CACNA1E: variants seen among roughly 807,000 people sequenced by gnomAD.
The protein encoded by CACNA1E is voltage-dependent R-type calcium channel subunit alpha-1E.
A neutral mutation model predicts 259.2 loss-of-function variants in CACNA1E; 40 were observed. The ratio of observed to expected loss-of-function variants is 0.15; its 90% confidence interval spans 0.12 to 0.20. The LOEUF (loss-of-function observed/expected upper bound fraction) is 0.20. CACNA1E is among the 10% of genes least tolerant of loss of function. CACNA1E has a pLI of 1.00. For synonymous variants in CACNA1E, 1,104 were observed against 1,138.5 expected (o/e 0.97, Z 0.61); for missense variants, 1,874 against 3,040.1 (o/e 0.62, Z 9.02).
In CACNA1E at chr1:181,750,470, C is replaced by T. The variant is rs1002417729; in HGVS notation, c.3720-6C>T. The T allele has an allele frequency of 6.2e-7, 1 of 1,613,110 alleles. No individual in the cohort carries two copies. Among genetic ancestry groups the T allele is most frequent in the Non-Finnish European group, 8.5e-7 (1 of 1,179,368 alleles). ...TTCTACTGCTCTCTGATTGGATCCT[C>T]CATAGGAACGCTTTGGGGTAAATAT... On this transcript the variant is annotated splice_region_variant and splice_polypyrimidine_tract_variant and intron_variant, in intron 25 of 47. Coordinates refer to ENST00000367573, the MANE Select transcript of CACNA1E (RefSeq NM_001205293.3).
chr1:181,437,177 C>A (rs1382100719), intron 2 of CACNA1E, among the ~76,000 whole-genome samples: 3 of 152,190 alleles, frequency 2.0e-5, no homozygotes, highest in Non-Finnish European at 4.4e-5. Context: ...CCTCTTATTG[C>A]CACAGACTTC....
At chr1:181,598,263 T>C (rs1364348090) in intron 6 of CACNA1E, among the ~76,000 whole-genome samples, 1 of 152,236 alleles carries the variant, frequency 6.6e-6, no homozygotes. Context: ...CTTTTGCTCC[T>C]GCCCTCAGGG....
At chr1:181,503,229 G>T (rs1347105724) in intron 1 of CACNA1E, among the ~76,000 whole-genome samples, 1 of 152,232 alleles carries the variant, frequency 6.6e-6, no homozygotes, top group East Asian at 1.9e-4. Flanking sequence ...ATCTTTCTCA[G>T]TCGGCTCAGA....
chr1:181,571,034 T>A (rs1650358022), intron 3 of CACNA1E, among the ~76,000 whole-genome samples: 5 of 152,250 alleles, frequency 3.3e-5, no homozygotes, highest in Admixed American at 2.6e-4. Flanking sequence ...GTCTGCAGTT[T>A]AAGACAGTTG....
intron 3 of CACNA1E, among the ~76,000 whole-genome samples, chr1:181,548,532 TTGTA>T (rs1647778863): frequency 6.6e-6 from 1 of 152,216 alleles, no homozygotes; most frequent in African/African-American, 2.4e-5. Flanking sequence ...AAGTCTTTCT[TTGTA>T]TGGCCCGTAG....
At chr1:181,775,611 T>C (rs1014677266) in intron 37 of CACNA1E, among the ~76,000 whole-genome samples, 1 of 152,246 alleles carries the variant, frequency 6.6e-6, no homozygotes, top group South Asian at 2.1e-4. Flanking sequence ...GTTTACCACC[T>C]GTTTTTGTAT....
chr1:181,739,891 T>C (rs1656401340), intron 25 of CACNA1E, among the ~76,000 whole-genome samples: 3 of 152,148 alleles, frequency 2.0e-5, no homozygotes. Flanking sequence ...GGGATTTTTT[T>C]CCCCCCTGCA....
intron 6 of CACNA1E, among the ~76,000 whole-genome samples, chr1:181,632,165 AC>A (rs2101949087): frequency 7.4e-6 from 1 of 135,394 alleles, no homozygotes; most frequent in South Asian, 2.6e-4. Flanking sequence ...ACTTCTCTTC[AC>A]CCTGTAGTCT....
At chr1:181,344,059 CAG>C (rs1652399578) in intron 1 of CACNA1E, among the ~76,000 whole-genome samples, 1 of 152,208 alleles carries the variant, frequency 6.6e-6, no homozygotes, top group South Asian at 2.1e-4. Flanking sequence ...GCCCCACAAA[CAG>C]AGTCAGGTAC....
At chr1:181,576,265 T>C (rs904570166) in intron 3 of CACNA1E, among the ~76,000 whole-genome samples, 1 of 152,246 alleles carries the variant, frequency 6.6e-6, no homozygotes. Flanking sequence ...GTTGTTTAAA[T>C]AACCTTTACC....
intron 2 of CACNA1E, among the ~76,000 whole-genome samples, chr1:181,417,760 C>T (rs1037693324): frequency 2.0e-5 from 3 of 152,182 alleles, no homozygotes; most frequent in Non-Finnish European, 2.9e-5. Context: ...CTCATGACTA[C>T]AATTGCCTTC....
chr1:181,558,024 G>T (rs911740633), intron 3 of CACNA1E, among the ~76,000 whole-genome samples: 3 of 152,214 alleles, frequency 2.0e-5, no homozygotes, highest in Non-Finnish European at 4.4e-5. Context: ...AATAACTAGG[G>T]TTTAATCTAA....
At position 181,797,182 on chromosome 1, in the gene CACNA1E, C is replaced by T. The variant is rs182456794; in HGVS notation, c.6399+324C>T. Among the ~76,000 whole-genome samples, 327 of 152,280 alleles carry T rather than the reference C, an allele frequency of 2.1e-3. 1 individual carries two copies. Among genetic ancestry groups the T allele is most frequent in the Non-Finnish European group, 3.5e-3 (241 of 68,034 alleles). ...GGATGGTCCTTTAGCCAGAAAGTTT[C>T]CTTTGGCCATCTTGTGATCCTCAGT... On this transcript the variant is annotated intron_variant, in intron 47 of 47. Coordinates refer to ENST00000367573, the MANE Select transcript of CACNA1E (RefSeq NM_001205293.3).
At chr1:181,554,122 C>T (rs1648476246) in intron 3 of CACNA1E, among the ~76,000 whole-genome samples, 1 of 152,064 alleles carries the variant, frequency 6.6e-6, no homozygotes. Context: ...GGGATCCACC[C>T]CAGCCTCCCT....
intron 2 of CACNA1E, among the ~76,000 whole-genome samples, chr1:181,443,709 G>A (rs1660640176): frequency 6.6e-6 from 1 of 152,128 alleles, no homozygotes; most frequent in Non-Finnish European, 1.5e-5. Flanking sequence ...TAATACTGAG[G>A]CTTTGTGAGC....
intron 1 of CACNA1E, among the ~76,000 whole-genome samples, chr1:181,332,996 G>T (rs1057504461): frequency 1.3e-5 from 2 of 152,174 alleles, no homozygotes; most frequent in African/African-American, 4.8e-5. Flanking sequence ...CCTAGGGCTT[G>T]CCCTCATGGA....
chr1:181,639,123 T>C (rs968091364), intron 6 of CACNA1E, among the ~76,000 whole-genome samples: 8 of 151,940 alleles, frequency 5.3e-5, no homozygotes, highest in Non-Finnish European at 7.4e-5. Flanking sequence ...AGTCTCGCTA[T>C]GTCTCCCAGG....
chr1:181,439,600 G>A (rs900882139), intron 2 of CACNA1E, among the ~76,000 whole-genome samples: 3 of 152,128 alleles, frequency 2.0e-5, no homozygotes, highest in Admixed American at 6.5e-5. Flanking sequence ...GTACTTATTT[G>A]TCACCTTTAA....
chr1:181,464,016 C>A (rs1226757587), intron 2 of CACNA1E, among the ~76,000 whole-genome samples: 4 of 151,844 alleles, frequency 2.6e-5, no homozygotes, highest in Non-Finnish European at 5.9e-5. Flanking sequence ...TCTATTTTTT[C>A]TCTGCTATGA....
Sources: gnomAD v4.1 joint callset for allele counts (sites outside exome capture counted in the v4.1 genomes callset) on GRCh38, gnomAD v4.1.1 for gene constraint, MANE v1.5 for transcripts, NCBI Gene and HGNC (gene_info 2026-07-23, HGNC 2026-07-21) for gene names.